Variants in NAALADL2 observed in about 807,000 individuals in gnomAD.
The protein encoded by NAALADL2 is N-acetylated alpha-linked acidic dipeptidase like 2.
NAALADL2 carries 76 observed loss-of-function variants against 87.2 expected under a neutral mutation model. The ratio of observed to expected loss-of-function variants is 0.87; its 90% CI spans 0.72 to 1.05. The LOEUF is 1.05. Among genes scored for constraint, NAALADL2 ranks in the 50% least tolerant of loss-of-function variants. The probability of loss-of-function intolerance (pLI) is 0.00; values close to 1 mark genes in which losing one functional copy is unlikely to be tolerated. For synonymous variants in NAALADL2, 354 were observed against 331.0 expected (o/e 1.07, Z -0.75); for missense variants, 1,089 against 945.8 (o/e 1.15, Z -1.99).
At chr3:175,027,949 C>T (rs909244889) in intron 1 of NAALADL2, among the ~76,000 whole-genome samples, 3 of 150,114 alleles carry the variant, frequency 2.0e-5, no homozygotes, top group African/African-American at 4.9e-5. Context: ...TGACCTAAAG[C>T]TATATCTGGA....
At chr3:175,049,874 A>C (rs1305335593) in intron 1 of NAALADL2, among the ~76,000 whole-genome samples, 1 of 152,250 alleles carries the variant, frequency 6.6e-6, no homozygotes, top group African/African-American at 2.4e-5. Context: ...GCAATTAAAT[A>C]CAGCAAGTTC....
chr3:175,220,751 T>C (rs758925534), intron 2 of NAALADL2, among the ~76,000 whole-genome samples: 1 of 152,204 alleles, frequency 6.6e-6, no homozygotes, highest in Non-Finnish European at 1.5e-5. Context: ...TATCATTGCC[T>C]CTTTCTAATT....
chr3:175,217,371 GA>G (rs1188191310), intron 2 of NAALADL2, among the ~76,000 whole-genome samples: 1 of 152,104 alleles, frequency 6.6e-6, no homozygotes, highest in Non-Finnish European at 1.5e-5. Flanking sequence ...TCAGGCAAAA[GA>G]AGCAACTCCG....
chr3:174,991,406 G>A (rs7432617), intron 1 of NAALADL2, among the ~76,000 whole-genome samples: 10,317 of 151,960 alleles, frequency 0.068, 376 homozygotes, highest in East Asian at 0.12. Flanking sequence ...AGAAATCTCT[G>A]TCATGTCAAA....
intron 2 of NAALADL2, among the ~76,000 whole-genome samples, chr3:174,705,266 C>A (rs1578613700): frequency 6.6e-6 from 1 of 152,252 alleles, no homozygotes; most frequent in Middle Eastern, 3.4e-3. Context: ...AAAATCCACG[C>A]AGACGTGGGG....
At chr3:175,627,164 A>G in intron 10 of NAALADL2, 127 bp from the exon 11 acceptor site, 1 of 688,760 alleles carries the variant, frequency 1.5e-6, no homozygotes, top group Admixed American at 2.9e-5. Flanking sequence ...GGAGAATGAA[A>G]TCCAGCAATC....
chr3:175,433,326 G>T (rs1718093378), intron 5 of NAALADL2, among the ~76,000 whole-genome samples: 1 of 151,944 alleles, frequency 6.6e-6, no homozygotes, highest in African/African-American at 2.4e-5. Flanking sequence ...TAACATCATT[G>T]GGTTGTGAAG....
At chr3:174,762,067 T>C (rs35959179) in intron 3 of NAALADL2, among the ~76,000 whole-genome samples, 48,457 of 151,836 alleles carry the variant, frequency 0.32, 7,814 homozygotes, top group Middle Eastern at 0.36. Flanking sequence ...ACATATATCA[T>C]GTATTTTTTA....
chr3:174,834,814 A>G (rs1723142530), intron 3 of NAALADL2, among the ~76,000 whole-genome samples: 1 of 151,034 alleles, frequency 6.6e-6, no homozygotes, highest in Non-Finnish European at 1.5e-5. Flanking sequence ...GAGATAAGCC[A>G]TGTTTATTGG....
At chr3:174,902,272 T>A (rs887390822) in intron 1 of NAALADL2, among the ~76,000 whole-genome samples, 4 of 152,166 alleles carry the variant, frequency 2.6e-5, no homozygotes, top group Non-Finnish European at 5.9e-5. Flanking sequence ...TTAAACTCAT[T>A]GACCCTCTAT....
chr3:175,183,033 G>A (rs992142847), intron 2 of NAALADL2, among the ~76,000 whole-genome samples: 3 of 136,752 alleles, frequency 2.2e-5, no homozygotes, highest in African/African-American at 7.7e-5. Context: ...AGTTTTTTGT[G>A]GTTCTATATG....
chr3:175,597,681 C>A (rs540209623), intron 10 of NAALADL2, among the ~76,000 whole-genome samples: 16 of 151,910 alleles, frequency 1.1e-4, no homozygotes, highest in Non-Finnish European at 7.4e-5. Flanking sequence ...TTGCCTCTGC[C>A]TACTAAATGC....
At chr3:175,442,654 A>C (rs1422621127) in intron 5 of NAALADL2, among the ~76,000 whole-genome samples, 6 of 152,204 alleles carry the variant, frequency 3.9e-5, no homozygotes. Context: ...TTCTCATTAT[A>C]CTATGCACAT....
chr3:174,811,863 G>T (rs908111539), intron 3 of NAALADL2, among the ~76,000 whole-genome samples: 5 of 152,150 alleles, frequency 3.3e-5, no homozygotes, highest in Admixed American at 6.5e-5. Flanking sequence ...CTGGATCATG[G>T]GGGGTGGATC....
At chr3:174,818,941 T>C (rs1721095934) in intron 3 of NAALADL2, among the ~76,000 whole-genome samples, 2 of 152,052 alleles carry the variant, frequency 1.3e-5, no homozygotes, top group Non-Finnish European at 2.9e-5. Context: ...ATTTTACTTT[T>C]AAAAGATTCT....
chr3:174,974,572 C>A (rs1744114868), intron 1 of NAALADL2, among the ~76,000 whole-genome samples: 1 of 152,100 alleles, frequency 6.6e-6, no homozygotes, highest in Admixed American at 6.6e-5. Flanking sequence ...AGGAATTCCA[C>A]CAATGATTAT....
intron 1 of NAALADL2, among the ~76,000 whole-genome samples, chr3:175,021,998 G>T (rs75761224): frequency 3.6e-4 from 55 of 151,948 alleles, no homozygotes; most frequent in African/African-American, 1.2e-3. Flanking sequence ...GGTAACGAGT[G>T]AATTTTTACT....
chr3:175,423,028 A>AT (rs1553890338), intron 5 of NAALADL2, among the ~76,000 whole-genome samples: 165 of 111,290 alleles, frequency 1.5e-3, no homozygotes, highest in African/African-American at 3.4e-3. Flanking sequence ...GAAAAAAAAA[A>AT]ATATATATAT....
intron 2 of NAALADL2, among the ~76,000 whole-genome samples, chr3:175,226,575 G>A (rs993151203): frequency 1.3e-5 from 2 of 152,046 alleles, no homozygotes; most frequent in African/African-American, 4.8e-5. Flanking sequence ...CATCTTGATT[G>A]CATTATCTAG....
Sources: allele counts gnomAD v4.1 joint callset (sites outside exome capture counted in the v4.1 genomes callset), GRCh38; gene constraint gnomAD v4.1.1; transcripts MANE v1.5; gene names NCBI Gene and HGNC (gene_info 2026-07-23, HGNC 2026-07-21).